FHIT: variants seen among roughly 807,000 people sequenced by gnomAD.
FHIT encodes the protein bis(5'-adenosyl)-triphosphatase.
Under a neutral mutation model 17.9 loss-of-function variants are expected in FHIT, and 19 were observed. The ratio of observed to expected loss-of-function variants is 1.06; its 90% CI spans 0.74 to 1.56. The LOEUF (loss-of-function observed/expected upper bound fraction) is 1.56. Ranked by LOEUF, FHIT falls within the 40% of genes most tolerant of loss-of-function variation. FHIT has a pLI of 0.00. For missense variants in FHIT, 248 were observed against 189.2 expected, an observed-to-expected ratio of 1.31 and a Z score of -1.82; for synonymous variants, 81 against 69.7, an observed-to-expected ratio of 1.16 and a Z score of -0.81.
intron 5 of FHIT, among the ~76,000 whole-genome samples, chr3:60,138,235 C>T (rs1246659512): frequency 6.6e-6 from 1 of 152,044 alleles, no homozygotes; most frequent in Admixed American, 6.6e-5. Flanking sequence ...ATAATTAAGC[C>T]ATGAAAAGTG....
intron 1 of FHIT, among the ~76,000 whole-genome samples, chr3:61,212,395 G>A (rs13086117): frequency 0.34 from 51,720 of 151,964 alleles, 11,269 homozygotes; most frequent in Non-Finnish European, 0.48. Context: ...TGGAAGAAAG[G>A]GTATCAATGA....
chr3:60,273,830 T>C (rs188936397), intron 5 of FHIT, among the ~76,000 whole-genome samples: 7 of 152,300 alleles, frequency 4.6e-5, no homozygotes, highest in Non-Finnish European at 5.9e-5. Context: ...GAAGGACAGA[T>C]TGAAAGAGTT....
At chr3:60,912,652 A>C (rs1009340199) in intron 3 of FHIT, 11 of 411,768 alleles carry the variant, frequency 2.7e-5, no homozygotes, top group Non-Finnish European at 3.7e-5. Context: ...TAATCATCAG[A>C]GATAACTCTA....
intron 5 of FHIT, among the ~76,000 whole-genome samples, chr3:60,095,605 C>T (rs1703912584): frequency 6.6e-6 from 1 of 152,124 alleles, no homozygotes; most frequent in Admixed American, 6.5e-5. Context: ...GACGACCAAG[C>T]ATGTAGAGGG....
chr3:59,759,040 A>G (rs916687375), intron 8 of FHIT, among the ~76,000 whole-genome samples: 5 of 152,062 alleles, frequency 3.3e-5, no homozygotes, highest in Non-Finnish European at 7.4e-5. Context: ...GCAGGCTTTT[A>G]AAGGAAGGCT....
rs1700771436 is a variant in FHIT at position 59,749,561 on chromosome 3, T to C, written c.*24A>G. 3.5e-5 allele frequency: 8 copies of C among 231,250 alleles called. No individual in the cohort carries two copies. In the East Asian group the frequency reaches 4.9e-4, roughly 14 times the overall value. The allele number at this position is 231,250 out of a possible 1,614,324, so 14.3% of individuals were successfully genotyped here. ...GTTGGCAATAGCTCTTTTGCTGGAATTCAGGATCTGAAAAACATCTTAAGC... is the reference window on the plus strand; with the variant it reads ...GTTGGCAATAGCTCTTTTGCTGGAACTCAGGATCTGAAAAACATCTTAAGC... On this transcript the variant is annotated 3_prime_UTR_variant, in exon 10 of 10. Coordinates refer to ENST00000492590, the MANE Select transcript of FHIT (RefSeq NM_002012.4).
chr3:60,140,257 T>A (rs942887116), intron 5 of FHIT, among the ~76,000 whole-genome samples: 18 of 152,144 alleles, frequency 1.2e-4, no homozygotes, highest in Non-Finnish European at 2.9e-5. Context: ...ATTCTCCCAT[T>A]CTGATGATAG....
chr3:61,014,807 A>AAAAAAAAATATAT (rs1553798839), intron 3 of FHIT, among the ~76,000 whole-genome samples: 13 of 49,112 alleles, frequency 2.6e-4, no homozygotes, highest in African/African-American at 6.5e-4. Context: ...AAAAAAAAAA[A>AAAAAAAAATATAT]ATATATATAT....
chr3:60,052,580 C>G (rs1477142764), intron 5 of FHIT, among the ~76,000 whole-genome samples: 6 of 152,014 alleles, frequency 3.9e-5, no homozygotes, highest in African/African-American at 7.2e-5. Context: ...ACATTGTGAA[C>G]TGGCTAGAGT....
intron 4 of FHIT, among the ~76,000 whole-genome samples, chr3:60,638,873 G>T (rs1197667345): frequency 6.6e-6 from 1 of 151,434 alleles, no homozygotes; most frequent in African/African-American, 2.4e-5. Context: ...TTTAAAAAAT[G>T]GTGTGTTGGG....
chr3:59,779,112 G>A (rs559845454), intron 8 of FHIT, among the ~76,000 whole-genome samples: 2 of 152,270 alleles, frequency 1.3e-5, no homozygotes, highest in African/African-American at 4.8e-5. Flanking sequence ...ACTTCAGCCA[G>A]GGAAGAAAAT....
At chr3:60,331,330 A>G (rs1709966566) in intron 5 of FHIT, among the ~76,000 whole-genome samples, 1 of 151,908 alleles carries the variant, frequency 6.6e-6, no homozygotes, top group Non-Finnish European at 1.5e-5. Flanking sequence ...CTCTCCCCAC[A>G]TGTCCCTAAG....
intron 5 of FHIT, among the ~76,000 whole-genome samples, chr3:60,141,538 G>C (rs1164283018): frequency 6.6e-6 from 1 of 152,144 alleles, no homozygotes; most frequent in Admixed American, 6.6e-5. Flanking sequence ...AATGGCCTTT[G>C]CTTGTCATCA....
chr3:60,539,335 A>C (rs2036098473), intron 4 of FHIT, among the ~76,000 whole-genome samples: 1 of 152,234 alleles, frequency 6.6e-6, no homozygotes, highest in African/African-American at 2.4e-5. Context: ...ACACTTTTAC[A>C]CTGTTGCTGG....
intron 5 of FHIT, among the ~76,000 whole-genome samples, chr3:60,377,190 A>G (rs150635941): frequency 6.7e-6 from 1 of 149,704 alleles, no homozygotes; most frequent in African/African-American, 2.5e-5. Flanking sequence ...CATGCAACAG[A>G]GAAAGCCATT....
At chr3:60,313,106 T>G (rs1709016206) in intron 5 of FHIT, among the ~76,000 whole-genome samples, 1 of 152,148 alleles carries the variant, frequency 6.6e-6, no homozygotes, top group Admixed American at 6.5e-5. Context: ...ATCCAGCCAA[T>G]TAATTCCTAA....
Position 60,715,259 on chromosome 3 carries a change from T to C in FHIT, c.-18+106660A>G, listed in dbSNP as rs1224372895. The stretch of plus-strand genomic sequence containing the variant: ...GTAGAAAGCTGAAACTGGATCCCTT[T>C]CTTACACCTTATACAAAAATCAATT... On this transcript the variant is annotated intron_variant, in intron 4 of 9. Transcript: ENST00000492590. Among the ~76,000 whole-genome samples the C allele has an allele frequency of 2.1e-3, 321 of 151,994 alleles. 1 individual carries two copies. Among genetic ancestry groups the C allele is most frequent in the African/African-American group, 7.4e-3 (308 of 41,354 alleles).
At chr3:60,581,957 T>C (rs2037761223) in intron 4 of FHIT, among the ~76,000 whole-genome samples, 1 of 152,078 alleles carries the variant, frequency 6.6e-6, no homozygotes, top group Non-Finnish European at 1.5e-5. Flanking sequence ...GCTGCACCGA[T>C]GCACACTTAA....
intron 4 of FHIT, among the ~76,000 whole-genome samples, chr3:60,776,556 T>G (rs1442625800): frequency 1.3e-5 from 2 of 152,180 alleles, no homozygotes; most frequent in Non-Finnish European, 2.9e-5. Flanking sequence ...AACTGCTTTT[T>G]GGGTTTTCAG....
Sources: gnomAD v4.1 joint callset for allele counts (sites outside exome capture counted in the v4.1 genomes callset) on GRCh38, gnomAD v4.1.1 for gene constraint, MANE v1.5 for transcripts, NCBI Gene and HGNC (gene_info 2026-07-23, HGNC 2026-07-21) for gene names.